Variants in EPB41 observed in about 807,000 individuals in gnomAD.
EPB41 encodes the protein erythrocyte membrane protein band 4.1.
In EPB41, 65 loss-of-function variants were observed where a neutral mutation model predicts 108.0. The ratio of observed to expected loss-of-function variants is 0.60; its 90% confidence interval spans 0.49 to 0.74. The LOEUF is 0.74. Ranked by LOEUF, EPB41 falls within the 30% of genes least tolerant of loss-of-function variation. The pLI, the probability that EPB41 is intolerant of heterozygous loss-of-function variation, is 0.00. For missense variants in EPB41, 875 were observed against 1,037.0 expected, an observed-to-expected ratio of 0.84 and a Z score of 2.15; for synonymous variants, 336 against 358.9, an observed-to-expected ratio of 0.94 and a Z score of 0.72.
intron 17 of EPB41, among the ~76,000 whole-genome samples, chr1:29,106,804 C>T (rs1156343487): frequency 6.6e-6 from 1 of 151,040 alleles, no homozygotes; most frequent in African/African-American, 2.4e-5. Context: ...AACTCCTGAC[C>T]TCGTGATCCG....
In EPB41 at chr1:28,928,148, C is replaced by T. The variant is rs757831222; in HGVS notation, c.-8+13380C>T. 1.2e-4 allele frequency among the ~76,000 whole-genome samples: 18 copies of T among 151,998 alleles called. 1 individual carries two copies. The highest frequency in any genetic ancestry group is 2.0e-4 in the Admixed American group (3 of 15,242). On this transcript the variant is annotated intron_variant, in intron 1 of 20. Transcript: ENST00000343067. ...TTATGCTTCTGTAATATCTGGCTCA[C>T]GAGATAAAACACACACCTCTGTAAT... is the stretch of plus-strand genomic sequence containing the variant.
chr1:28,976,210 A>G (rs923280059), intron 1 of EPB41, among the ~76,000 whole-genome samples: 4 of 152,166 alleles, frequency 2.6e-5, no homozygotes, highest in African/African-American at 9.7e-5. Flanking sequence ...CATGATCTGA[A>G]GCAAATTTTT....
chr1:29,018,523 C>T lies in EPB41; in HGVS notation c.1124+81C>T. On this transcript the variant is annotated intron_variant, in intron 7 of 20. Coordinates refer to ENST00000343067, the MANE Select transcript of EPB41 (RefSeq NM_001376013.1). This position sits in a 1 kb window ranked among gnomAD's most constrained non-coding sequence, Gnocchi z 4.4. ...AACATGGTATTGGTTCATTGTTTGCCTAAGAGGGATCATGGTGCCATAGAA... is the reference window on the plus strand; with the variant it reads ...AACATGGTATTGGTTCATTGTTTGCTTAAGAGGGATCATGGTGCCATAGAA... 1 of 1,348,992 alleles carries T rather than the reference C, an allele frequency of 7.4e-7. No homozygotes were observed. Among genetic ancestry groups the T allele is most frequent in the Non-Finnish European group, 1.1e-6 (1 of 942,178 alleles). The allele number at this position is 1,348,992 out of a possible 1,614,324, so 83.6% of individuals were successfully genotyped here.
chr1:28,993,347 C>T lies in EPB41; in HGVS notation c.486C>T (p.Leu162=). The part of the protein sequence containing the change: ...SAETQPAQEE[L]REDPDFEIKE... ...ATATGTAGCCTGCTCAGGAAGAACT[C>T]AGAGAAGATCCAGATTTTGAAATTA... is the stretch of plus-strand genomic sequence containing the variant. The change falls in exon 3 of 21, where the codon CTC becomes CTT. Residue 162 remains leucine (L), a synonymous_variant. Coordinates refer to ENST00000343067, the MANE Select transcript of EPB41 (RefSeq NM_001376013.1). 1 of 1,612,690 alleles carries T rather than the reference C, an allele frequency of 6.2e-7. No homozygotes were observed. The highest frequency in any genetic ancestry group is 8.5e-7 in the Non-Finnish European group (1 of 1,179,944).
intron 11 of EPB41, chr1:29,041,534 A>G (rs1364662639): frequency 6.6e-6 from 1 of 152,076 alleles, no homozygotes; most frequent in Non-Finnish European, 1.5e-5. Flanking sequence ...CAAATAGGGT[A>G]TTATTGATTA....
intron 18 of EPB41, among the ~76,000 whole-genome samples, chr1:29,111,904 G>C (rs1669293020): frequency 6.9e-6 from 1 of 145,724 alleles, no homozygotes; most frequent in South Asian, 2.2e-4. Flanking sequence ...TTGAACCCGG[G>C]AGGCAGAGGT....
At chr1:28,957,777 GAAAA>G (rs1162458552) in intron 1 of EPB41, among the ~76,000 whole-genome samples, 1 of 152,024 alleles carries the variant, frequency 6.6e-6, no homozygotes, top group Non-Finnish European at 1.5e-5. Flanking sequence ...TTGCTGTGGG[GAAAA>G]AATCAATTTC....
intron 16 of EPB41, among the ~76,000 whole-genome samples, chr1:29,083,637 TA>T (rs373177862): frequency 7.2e-5 from 11 of 152,208 alleles, no homozygotes; most frequent in African/African-American, 1.2e-4. Flanking sequence ...TGTTTTAACT[TA>T]AAAAAAATTG....
intron 16 of EPB41, among the ~76,000 whole-genome samples, chr1:29,073,505 A>G (rs944366664): frequency 1.3e-5 from 2 of 152,224 alleles, no homozygotes; most frequent in Non-Finnish European, 2.9e-5. Context: ...ACAAAAACAT[A>G]CATTAACTTC....
intron 16 of EPB41, chr1:29,069,150 C>G: frequency 8.1e-7 from 1 of 1,230,666 alleles, no homozygotes; most frequent in Non-Finnish European, 1.0e-6. Context: ...TCCTTTTTTT[C>G]TTTTTTGCTG....
chr1:29,000,341 T>C (rs565361998), intron 4 of EPB41, among the ~76,000 whole-genome samples: 1 of 152,228 alleles, frequency 6.6e-6, no homozygotes, highest in East Asian at 1.9e-4. Context: ...CTCAGGCGAT[T>C]CACCCGCCTT....
At chr1:28,918,051 T>G (rs955628351) in intron 1 of EPB41, among the ~76,000 whole-genome samples, 2 of 152,198 alleles carry the variant, frequency 1.3e-5, no homozygotes, top group Non-Finnish European at 2.9e-5. Context: ...AGGCTGAGTT[T>G]GGTTCTGAAA....
intron 16 of EPB41, chr1:29,069,326 T>A: frequency 8.1e-7 from 1 of 1,231,474 alleles, no homozygotes; most frequent in East Asian, 3.2e-5. Flanking sequence ...GATAGCAGAG[T>A]ACAGAAATTG....
At chr1:29,011,055 T>A (rs1572400090) in intron 4 of EPB41, among the ~76,000 whole-genome samples, 1 of 148,342 alleles carries the variant, frequency 6.7e-6, no homozygotes, top group Non-Finnish European at 1.5e-5. Flanking sequence ...GAGGCGGAGG[T>A]TGCAGTGGGC....
At chr1:28,958,819 C>CAAAAAA (rs35105287) in intron 1 of EPB41, among the ~76,000 whole-genome samples, 5 of 65,738 alleles carry the variant, frequency 7.6e-5, no homozygotes, top group African/African-American at 2.3e-4. Flanking sequence ...ACCCTGTCTC[C>CAAAAAA]AAAAAAAAAA....
chr1:29,035,525 G>A (rs1639117133), intron 9 of EPB41, among the ~76,000 whole-genome samples: 1 of 151,746 alleles, frequency 6.6e-6, no homozygotes, highest in Non-Finnish European at 1.5e-5. Context: ...ACAATCAAGA[G>A]GTGACTTAAT....
intron 17 of EPB41, among the ~76,000 whole-genome samples, chr1:29,107,137 C>G (rs755491449): frequency 7.3e-5 from 11 of 151,496 alleles, no homozygotes; most frequent in Non-Finnish European, 1.2e-4. Context: ...GAGCCGAGAT[C>G]CCACTATTGT....
intron 16 of EPB41, among the ~76,000 whole-genome samples, chr1:29,066,373 C>A (rs1162543293): frequency 6.6e-6 from 1 of 151,012 alleles, no homozygotes; most frequent in Non-Finnish European, 1.5e-5. Context: ...GAGCCGAGAT[C>A]ACACCACTGC....
At chr1:29,109,775 T>C in intron 18 of EPB41, 1 of 370,484 alleles carries the variant, frequency 2.7e-6, no homozygotes, top group South Asian at 2.2e-5. Flanking sequence ...GGCCCACACC[T>C]GTAATCCCAG....
Sources: gnomAD v4.1 joint callset for allele counts (sites outside exome capture counted in the v4.1 genomes callset) on GRCh38, gnomAD v4.1.1 for gene constraint, Gnocchi (gnomAD v3.1) non-coding constraint, MANE v1.5 for transcripts, NCBI Gene and HGNC (gene_info 2026-07-23, HGNC 2026-07-21) for gene names.